The following TSHZ3 variants were observed in gnomAD, a reference collection of about 807,000 sequenced individuals.
TSHZ3 encodes teashirt zinc finger homeobox 3, also known as teashirt homolog 3.
In TSHZ3, 10 loss-of-function variants were observed where a neutral mutation model predicts 64.5. The observed-to-expected ratio is 0.16, with a 90% CI of 0.10 to 0.26. TSHZ3 has a LOEUF of 0.26. TSHZ3 is among the 10% of genes least tolerant of loss of function. The pLI, the probability that TSHZ3 is intolerant of heterozygous loss-of-function variation, is 1.00. For synonymous variants in TSHZ3, 608 were observed against 593.1 expected (o/e 1.03, Z -0.36); for missense variants, 1,242 against 1,421.7 (o/e 0.87, Z 2.03).
intron 1 of TSHZ3, among the ~76,000 whole-genome samples, chr19:31,335,570 C>T (rs957378639): frequency 4.6e-5 from 7 of 152,226 alleles, no homozygotes; most frequent in African/African-American, 1.4e-4. Context: ...ACTCAAGAGA[C>T]TGGTTGTCTC....
At position 31,296,234 on chromosome 19, in the gene TSHZ3, G is replaced by A. The variant is rs562810457; in HGVS notation, c.41-16482C>T. 8.2e-4 allele frequency among the ~76,000 whole-genome samples: 125 copies of A among 151,900 alleles called. 3 individuals are homozygous for A. In the South Asian group the frequency reaches 0.026, roughly 31 times the overall value. On this transcript the variant is annotated intron_variant, in intron 1 of 1. Transcript: ENST00000240587. ...GAGGCAGATACTGTTGTGGGGAATG[G>A]CATGGAGAGAGGAAGGGGAGGAAAC... is the stretch of plus-strand genomic sequence containing the variant.
intron 1 of TSHZ3, among the ~76,000 whole-genome samples, chr19:31,322,803 AAT>A (rs1916811220): frequency 6.6e-6 from 1 of 152,254 alleles, no homozygotes; most frequent in Non-Finnish European, 1.5e-5. Context: ...TGAATGAATG[AAT>A]GAGTGACAGA....
intron 1 of TSHZ3, among the ~76,000 whole-genome samples, chr19:31,313,158 C>T (rs912864287): frequency 6.6e-6 from 1 of 152,026 alleles, no homozygotes; most frequent in Non-Finnish European, 1.5e-5. Context: ...GGAGACTCTG[C>T]GGGAAGCCCC....
intron 5 of TSHZ3, among the ~76,000 whole-genome samples, chr19:31,175,773 G>A (rs1198935159): frequency 6.6e-6 from 1 of 152,226 alleles, no homozygotes; most frequent in Non-Finnish European, 1.5e-5. Flanking sequence ...GGCCAGTGGG[G>A]CCCTGGCCAG....
chr19:31,237,163 A>T (rs540085236), intron 3 of TSHZ3, among the ~76,000 whole-genome samples: 1 of 152,208 alleles, frequency 6.6e-6, no homozygotes, highest in African/African-American at 2.4e-5. Flanking sequence ...AAACAAACAA[A>T]CAAAAAACAA....
At chr19:31,219,681 T>A (rs1276273430) in intron 4 of TSHZ3, among the ~76,000 whole-genome samples, 1 of 151,716 alleles carries the variant, frequency 6.6e-6, no homozygotes, top group Non-Finnish European at 1.5e-5. Flanking sequence ...ATTATCTCAT[T>A]TCAGGACTTA....
intron 5 of TSHZ3, among the ~76,000 whole-genome samples, chr19:31,194,304 G>A (rs1974954338): frequency 6.6e-6 from 1 of 152,156 alleles, no homozygotes; most frequent in South Asian, 2.1e-4. Context: ...CATGCTTCTG[G>A]CAGAAGGAGG....
chr19:31,255,936 C>T (rs1389470942), intron 1 of TSHZ3, among the ~76,000 whole-genome samples: 4 of 152,024 alleles, frequency 2.6e-5, no homozygotes, highest in Non-Finnish European at 2.9e-5. Flanking sequence ...CACCCTGTAA[C>T]AGAAGTTGAG....
intron 1 of TSHZ3, among the ~76,000 whole-genome samples, chr19:31,323,231 C>T (rs2145170086): frequency 6.6e-6 from 1 of 152,332 alleles, no homozygotes; most frequent in Middle Eastern, 3.4e-3. Flanking sequence ...CAGGAGCTGC[C>T]CAACTCACCC....
At chr19:31,346,770 G>T (rs1347371504) in intron 1 of TSHZ3, among the ~76,000 whole-genome samples, 1 of 151,246 alleles carries the variant, frequency 6.6e-6, no homozygotes, top group Admixed American at 6.6e-5. Flanking sequence ...GGAAGTTTCT[G>T]GTCCATCCAA....
chr19:31,317,740 T>A (rs1463075853), intron 1 of TSHZ3, among the ~76,000 whole-genome samples: 2 of 152,200 alleles, frequency 1.3e-5, no homozygotes, highest in Non-Finnish European at 2.9e-5. Flanking sequence ...CATGCTTGGC[T>A]TTCATTAACT....
At chr19:31,250,105 G>A (rs1259454562) in intron 1 of TSHZ3, among the ~76,000 whole-genome samples, 1 of 152,192 alleles carries the variant, frequency 6.6e-6, no homozygotes, top group Admixed American at 6.5e-5. Flanking sequence ...CACATGGACA[G>A]GCACAGCCAA....
Position 31,278,121 on chromosome 19 carries a change from T to C in TSHZ3, c.1672A>G (p.Asn558Asp), listed in dbSNP as rs1976284515. 8 of 1,614,108 alleles carry C rather than the reference T, an allele frequency of 5.0e-6. No individual in the cohort carries two copies. Among genetic ancestry groups the C allele is most frequent in the Non-Finnish European group, 6.8e-6 (8 of 1,180,002 alleles). Residue 558 changes from asparagine to aspartate, a missense_variant, in exon 2 of 2, where the codon AAC (asparagine) becomes GAC (aspartate). Transcript: ENST00000240587. The surrounding 1 kb of genome is among the most constrained non-coding windows in gnomAD (Gnocchi z 4.7). The stretch of plus-strand genomic sequence containing the variant: ...GAGCCCAGGGACAACTTCATCATGT[T>C]GGGAAGTTGGTAGGCGGCATGGATG... ...PSIHAAYQLP[N>D]MMKLSLGSSG...
chr19:31,200,920 A>G (rs1975075023), intron 5 of TSHZ3, among the ~76,000 whole-genome samples: 1 of 152,194 alleles, frequency 6.6e-6, no homozygotes, highest in African/African-American at 2.4e-5. Flanking sequence ...TTGAAAAAAA[A>G]AGAATAATGA....
chr19:31,303,464 G>C (rs1047234870), intron 1 of TSHZ3, among the ~76,000 whole-genome samples: 10 of 152,188 alleles, frequency 6.6e-5, no homozygotes, highest in African/African-American at 2.4e-4. Context: ...CTCAGCTCAT[G>C]ATGGCATGGA....
At chr19:31,182,995 C>A (rs968163376) in intron 5 of TSHZ3, among the ~76,000 whole-genome samples, 1 of 152,116 alleles carries the variant, frequency 6.6e-6, no homozygotes, top group Non-Finnish European at 1.5e-5. Flanking sequence ...TGGGCCTCAT[C>A]TAATCAGTTG....
chr19:31,348,980 A>G, intron 1 of TSHZ3, 200 bp downstream of exon 1: 2 of 604,284 alleles, frequency 3.3e-6, no homozygotes, highest in Admixed American at 7.3e-5. Flanking sequence ...GCGAGAGGGA[A>G]GAGGGCAGAG....
At chr19:31,247,752 T>C (rs1382844857) in intron 1 of TSHZ3, among the ~76,000 whole-genome samples, 1 of 152,166 alleles carries the variant, frequency 6.6e-6, no homozygotes, top group East Asian at 1.9e-4. Flanking sequence ...ATCTTGTTTA[T>C]GGGAAATGCA....
Position 31,183,352 on chromosome 19 carries a change from G to A in TSHZ3, n.809+21604C>T, listed in dbSNP as rs547095822. On this transcript the variant is annotated intron_variant and non_coding_transcript_variant, in intron 5 of 6. Coordinates refer to the TSHZ3 transcript ENST00000651361. ...GCAAAGCCTGAAGGCAGGGTGCCTC[G>A]ACACCCGGCTTAGGTCTTCTCATTT... Among the ~76,000 whole-genome samples the A allele has an allele frequency of 7.9e-5, 12 of 152,176 alleles. No homozygotes were observed. The South Asian group carries it at 1.5e-3, about 18-fold the overall frequency.
Sources: gnomAD v4.1 joint callset for allele counts (sites outside exome capture counted in the v4.1 genomes callset) on GRCh38, gnomAD v4.1.1 for gene constraint, Gnocchi (gnomAD v3.1) non-coding constraint, MANE v1.5 for transcripts, NCBI Gene and HGNC (gene_info 2026-07-23, HGNC 2026-07-21) for gene names.